The following TRDN variants were observed in gnomAD, a reference collection of about 807,000 sequenced individuals.
TRDN encodes the protein triadin in skeletal muscle.
Under a neutral mutation model 149.7 loss-of-function variants are expected in TRDN, and 161 were observed. The observed-to-expected ratio is 1.08, with a 90% CI of 0.95 to 1.23. The LOEUF (loss-of-function observed/expected upper bound fraction) is 1.23, where lower values mean the gene tolerates loss of function less well. Ranked by LOEUF, TRDN falls within the 50% of genes most tolerant of loss-of-function variation. TRDN has a pLI of 0.00. For synonymous variants in TRDN, 294 were observed against 250.5 expected, an observed-to-expected ratio of 1.17 and a Z score of -1.64; for missense variants, 896 against 823.5, an observed-to-expected ratio of 1.09 and a Z score of -1.08.
intron 10 of TRDN, among the ~76,000 whole-genome samples, chr6:123,453,807 G>A (rs1775933332): frequency 6.6e-6 from 1 of 152,022 alleles, no homozygotes; most frequent in Non-Finnish European, 1.5e-5. Context: ...GAACACGCAT[G>A]TTTATAGCAG....
At chr6:123,388,783 T>C (rs992624385) in intron 13 of TRDN, among the ~76,000 whole-genome samples, 16 of 152,178 alleles carry the variant, frequency 1.1e-4, no homozygotes, top group African/African-American at 3.4e-4. Flanking sequence ...TGGAGTTACG[T>C]AGACAAGAAG....
chr6:123,517,945 A>T, intron 5 of TRDN, among the ~76,000 whole-genome samples: 1 of 152,146 alleles, frequency 6.6e-6, no homozygotes, highest in Non-Finnish European at 1.5e-5. Context: ...TATTTATTTT[A>T]TTTTTTTACA....
At chr6:123,592,258 T>C (rs1783824054) in intron 1 of TRDN, among the ~76,000 whole-genome samples, 1 of 152,198 alleles carries the variant, frequency 6.6e-6, no homozygotes, top group Admixed American at 6.5e-5. Flanking sequence ...ACTTTTTCTA[T>C]CTGGCCCCTT....
At chr6:123,229,203 T>C (rs1775501523) in intron 38 of TRDN, among the ~76,000 whole-genome samples, 1 of 151,922 alleles carries the variant, frequency 6.6e-6, no homozygotes, top group African/African-American at 2.4e-5. Context: ...AAATGGGCCA[T>C]CTTGTCTGTA....
At chr6:123,270,966 AT>A (rs1185561230) in intron 30 of TRDN, among the ~76,000 whole-genome samples, 172 bp downstream of exon 30, 2 of 151,834 alleles carry the variant, frequency 1.3e-5, no homozygotes, top group Non-Finnish European at 2.9e-5. Flanking sequence ...TATTGAACAT[AT>A]TTTTAGTTAT....
At chr6:123,444,808 A>G (rs577729567) in intron 10 of TRDN, among the ~76,000 whole-genome samples, 2 of 152,290 alleles carry the variant, frequency 1.3e-5, no homozygotes, top group East Asian at 3.9e-4. Flanking sequence ...CTCTGTTTAT[A>G]TGCTGGATTA....
At chr6:123,246,894 T>C (rs147193949) in intron 38 of TRDN, among the ~76,000 whole-genome samples, 120 of 152,044 alleles carry the variant, frequency 7.9e-4, no homozygotes, top group African/African-American at 2.7e-3. Flanking sequence ...CATCAAAAAG[T>C]TTATCCACCA....
rs62420508 is a variant in TRDN at position 123,509,762 on chromosome 6, G to A, written c.610+2541C>T. Reference sequence around the variant, plus strand: ...ATTGATTTAAGCCTCAGATTTTGTGGTAATGCTTTACAAAGCAATAAGTAA... The same window carrying A: ...ATTGATTTAAGCCTCAGATTTTGTGATAATGCTTTACAAAGCAATAAGTAA... On this transcript the variant is annotated intron_variant, in intron 7 of 40. Transcript: ENST00000334268. The A allele has an allele frequency of 5.3e-5, 8 of 151,952 alleles. No homozygotes were observed. In the South Asian group the frequency reaches 6.2e-4, roughly 12 times the overall value. 9.4% of individuals were successfully genotyped at this position (151,952 alleles called of 1,614,324 possible).
intron 12 of TRDN, among the ~76,000 whole-genome samples, chr6:123,415,426 A>G (rs957721069): frequency 1.3e-5 from 2 of 152,200 alleles, no homozygotes; most frequent in African/African-American, 4.8e-5. Flanking sequence ...GTCTTTCCAG[A>G]GAAGGAAACT....
intron 24 of TRDN, among the ~76,000 whole-genome samples, chr6:123,301,243 T>G (rs1778385456): frequency 6.6e-6 from 1 of 152,054 alleles, no homozygotes; most frequent in East Asian, 1.9e-4. Flanking sequence ...TTCTATGTTT[T>G]GTAGCAAAAT....
chr6:123,542,859 C>CGT (rs10678221), intron 4 of TRDN, among the ~76,000 whole-genome samples: 61,331 of 146,910 alleles, frequency 0.42, 12,819 homozygotes, highest in African/African-American at 0.47. Flanking sequence ...TGCATGTTTG[C>CGT]GTGTGTGTGT....
chr6:123,337,557 T>A, intron 22 of TRDN, 62 bp downstream of exon 22: 1 of 797,482 alleles, frequency 1.3e-6, no homozygotes, highest in South Asian at 2.4e-5. Context: ...TAATGTACTG[T>A]GTTCTCAATA....
chr6:123,255,780 T>C (rs1776534709), intron 36 of TRDN, 87 bp downstream of exon 36: 1 of 939,684 alleles, frequency 1.1e-6, no homozygotes, highest in East Asian at 3.6e-5. Context: ...AGAAAAGTTT[T>C]TTTTCATATG....
chr6:123,529,072 T>C (rs1357576501), intron 5 of TRDN: 104 of 1,432,340 alleles, frequency 7.3e-5, no homozygotes, highest in East Asian at 2.5e-4. Context: ...AGAATTCTAA[T>C]ATAGCCAGGT....
intron 31 of TRDN, among the ~76,000 whole-genome samples, chr6:123,269,611 C>A (rs531731572): frequency 2.2e-4 from 34 of 151,862 alleles, no homozygotes; most frequent in African/African-American, 7.7e-4. Context: ...TTTAATTAAT[C>A]ATTAATTATT....
At chr6:123,229,715 G>C (rs116740518) in intron 38 of TRDN, among the ~76,000 whole-genome samples, 15 of 151,878 alleles carry the variant, frequency 9.9e-5, no homozygotes, top group Admixed American at 2.0e-4. Flanking sequence ...AGGAGACTGC[G>C]TGTGTATGGA....
chr6:123,354,265 A>G (rs1780575513), intron 20 of TRDN, among the ~76,000 whole-genome samples: 1 of 151,880 alleles, frequency 6.6e-6, no homozygotes. Flanking sequence ...ATGAGTGCAC[A>G]TTATTTTACC....
chr6:123,495,229 AT>A (rs972146891), intron 9 of TRDN, among the ~76,000 whole-genome samples: 2 of 151,144 alleles, frequency 1.3e-5, no homozygotes, highest in Non-Finnish European at 2.9e-5. Flanking sequence ...AATTTTTATA[AT>A]TTTTTTTGCC....
chr6:123,275,371 C>T (rs971489671), intron 26 of TRDN, among the ~76,000 whole-genome samples: 1 of 152,034 alleles, frequency 6.6e-6, no homozygotes, highest in Non-Finnish European at 1.5e-5. Flanking sequence ...AGATTGAAGT[C>T]ATATATCTTC....
Sources: allele counts gnomAD v4.1 joint callset (sites outside exome capture counted in the v4.1 genomes callset), GRCh38; gene constraint gnomAD v4.1.1; transcripts MANE v1.5; gene names NCBI Gene and HGNC (gene_info 2026-07-23, HGNC 2026-07-21).